BMPR2: variants seen among roughly 807,000 people sequenced by gnomAD.
BMPR2 encodes bone morphogenetic protein receptor type 2, also known as bone morphogenetic protein receptor type-2.
BMPR2 carries 29 observed loss-of-function variants against 100.8 expected under a neutral mutation model. That is an observed-to-expected ratio of 0.29 (90% confidence interval 0.21 to 0.39). The LOEUF (loss-of-function observed/expected upper bound fraction) is 0.39. BMPR2 is among the 10% of genes least tolerant of loss of function. BMPR2 has a pLI of 1.00. For synonymous variants in BMPR2, 382 were observed against 442.3 expected (o/e 0.86, Z 1.71); for missense variants, 1,011 against 1,274.5 (o/e 0.79, Z 3.15).
At chr2:202,477,639 T>G (rs1286554983) in intron 3 of BMPR2, among the ~76,000 whole-genome samples, 1 of 151,982 alleles carries the variant, frequency 6.6e-6, no homozygotes, top group Non-Finnish European at 1.5e-5. Context: ...ATACAAAAAT[T>G]AGCTGGGCAT....
chr2:202,533,807 A>G (rs949830292), intron 9 of BMPR2, among the ~76,000 whole-genome samples: 8 of 152,200 alleles, frequency 5.3e-5, no homozygotes, highest in Admixed American at 4.6e-4. Flanking sequence ...TGGGTAACAG[A>G]GCAAGACTCC....
In BMPR2 at chr2:202,558,057, G is replaced by T. The variant is rs180882389; in HGVS notation, c.2866+1526G>T. Among the ~76,000 whole-genome samples the T allele has an allele frequency of 1.9e-3, 289 of 152,198 alleles. 6 individuals are homozygous for T. Among genetic ancestry groups the T allele is most frequent in the Non-Finnish European group, 7.8e-4 (53 of 68,018 alleles). ...CTGTAGGCTAGGCACGGTGGCTCAC[G>T]CCTGTAATCCCAGTGCTGTGGAAGA... On this transcript the variant is annotated intron_variant, in intron 12 of 12. Coordinates refer to ENST00000374580, the MANE Select transcript of BMPR2 (RefSeq NM_001204.7).
At position 202,556,361 on chromosome 2, in the gene BMPR2, G is replaced by C. The variant is rs137852752; in HGVS notation, c.2696G>C (p.Arg899Pro). Residue 899 changes from arginine (R) to proline (P), a missense_variant, in exon 12 of 13, where the codon CGA (arginine) becomes CCA (proline). Coordinates refer to ENST00000374580, the MANE Select transcript of BMPR2 (RefSeq NM_001204.7). ...AGGGAACGGCCACTAGAAGGTGGCC[G>C]AACTAATTCCAATAACAACAACAGC... ...DRRERPLEGG[R>P]TNSNNNNSNP... 5 of 1,613,984 alleles carry C rather than the reference G, an allele frequency of 3.1e-6. No individual in the cohort carries two copies.
At chr2:202,395,828 C>T (rs756709537) in intron 1 of BMPR2, among the ~76,000 whole-genome samples, 26 of 152,050 alleles carry the variant, frequency 1.7e-4, no homozygotes, top group Admixed American at 5.2e-4. Context: ...CCCAGCCACT[C>T]GGGAGGCTGA....
intron 3 of BMPR2, among the ~76,000 whole-genome samples, chr2:202,492,700 CAAAAAAAAAAAA>C (rs1166246933): frequency 1.9e-5 from 1 of 52,808 alleles, no homozygotes; most frequent in South Asian, 9.4e-4. Context: ...AGCTCTGTCT[CAAAAAAAAAAAA>C]AAAAAAAAAA....
At chr2:202,425,927 T>C (rs1431736819) in intron 1 of BMPR2, among the ~76,000 whole-genome samples, 4 of 152,184 alleles carry the variant, frequency 2.6e-5, no homozygotes, top group African/African-American at 9.6e-5. Context: ...ATTTGTAACA[T>C]ATGTAATCAA....
chr2:202,540,945 C>G (rs1312248173), intron 9 of BMPR2, among the ~76,000 whole-genome samples: 4 of 152,196 alleles, frequency 2.6e-5, no homozygotes, highest in African/African-American at 9.6e-5. Flanking sequence ...TCTACTAGAT[C>G]ATTGAGTGTT....
At chr2:202,490,708 A>C (rs1391069069) in intron 3 of BMPR2, among the ~76,000 whole-genome samples, 1 of 152,212 alleles carries the variant, frequency 6.6e-6, no homozygotes, top group African/African-American at 2.4e-5. Flanking sequence ...AGACAGAAAT[A>C]TGTACAGGGA....
At chr2:202,384,568 C>CTTTCTTTCTT (rs1242994441) in intron 1 of BMPR2, among the ~76,000 whole-genome samples, 2 of 11,322 alleles carry the variant, frequency 1.8e-4, no homozygotes, top group Non-Finnish European at 4.4e-4. Context: ...TTCTTTCTTT[C>CTTTCTTTCTT]TTTTTCTTTC....
intron 3 of BMPR2, among the ~76,000 whole-genome samples, chr2:202,472,387 G>A (rs375197342): frequency 2.6e-5 from 4 of 152,146 alleles, no homozygotes; most frequent in African/African-American, 9.7e-5. Context: ...GGCCATGTGC[G>A]GTGGCTCACA....
chr2:202,416,370 C>T (rs1427090964), intron 1 of BMPR2, among the ~76,000 whole-genome samples: 3 of 151,260 alleles, frequency 2.0e-5, no homozygotes, highest in East Asian at 3.9e-4. Flanking sequence ...GCTTTATCAA[C>T]CCACCTCGGC....
chr2:202,538,757 G>C (rs1051106834), intron 9 of BMPR2, among the ~76,000 whole-genome samples: 3 of 141,162 alleles, frequency 2.1e-5, no homozygotes, highest in African/African-American at 8.0e-5. Flanking sequence ...TCGCGCCACC[G>C]CACTCCAGCC....
At chr2:202,485,040 T>A (rs572652511) in intron 3 of BMPR2, among the ~76,000 whole-genome samples, 31 of 151,124 alleles carry the variant, frequency 2.1e-4, no homozygotes, top group African/African-American at 7.3e-4. Context: ...TCACCCAGGC[T>A]TGTTTCGAAC....
chr2:202,525,542 G>T (rs1229469681), intron 7 of BMPR2, among the ~76,000 whole-genome samples: 1 of 152,040 alleles, frequency 6.6e-6, no homozygotes, highest in African/African-American at 2.4e-5. Flanking sequence ...TGCCAGTCAG[G>T]GAAAAGTAAG....
In BMPR2 at chr2:202,488,240, G is replaced by A. The variant is rs572684509; in HGVS notation, c.418+20551G>A. Reference sequence around the variant, plus strand: ...GGTGAATATGTCAGGAAGGAATATGGGTAGATTGGAATATTGTAATTATGC... The same window carrying A: ...GGTGAATATGTCAGGAAGGAATATGAGTAGATTGGAATATTGTAATTATGC... On this transcript the variant is annotated intron_variant, in intron 3 of 12. Coordinates refer to ENST00000374580, the MANE Select transcript of BMPR2 (RefSeq NM_001204.7). 5.3e-5 allele frequency among the ~76,000 whole-genome samples: 8 copies of A among 152,078 alleles called. No individual in the cohort carries two copies. In the South Asian group the frequency reaches 1.7e-3, roughly 32 times the overall value.
At chr2:202,469,682 T>C (rs945392973) in intron 3 of BMPR2, among the ~76,000 whole-genome samples, 15 of 152,034 alleles carry the variant, frequency 9.9e-5, no homozygotes, top group Admixed American at 2.6e-4. Flanking sequence ...TTTCGCTATG[T>C]TGGCCAGGCT....
At chr2:202,496,065 T>C (rs1004069244) in intron 3 of BMPR2, among the ~76,000 whole-genome samples, 4 of 152,118 alleles carry the variant, frequency 2.6e-5, no homozygotes, top group Admixed American at 1.3e-4. Flanking sequence ...AAAAGTAGAG[T>C]GAACAGATGG....
chr2:202,514,196 C>T (rs1040938203), intron 4 of BMPR2, among the ~76,000 whole-genome samples: 1 of 151,950 alleles, frequency 6.6e-6, no homozygotes, highest in Non-Finnish European at 1.5e-5. Context: ...AGTGCAGTGG[C>T]GCGATCTCGG....
chr2:202,460,372 A>T (rs1692202849), intron 1 of BMPR2, among the ~76,000 whole-genome samples: 1 of 149,270 alleles, frequency 6.7e-6, no homozygotes, highest in Admixed American at 6.7e-5. Context: ...ACTTGAAATT[A>T]AACTAAAAAA....
Sources: allele counts gnomAD v4.1 joint callset (sites outside exome capture counted in the v4.1 genomes callset), GRCh38; gene constraint gnomAD v4.1.1; transcripts MANE v1.5; gene names NCBI Gene and HGNC (gene_info 2026-07-23, HGNC 2026-07-21).